Variants in SLAMF6 observed in about 807,000 individuals in gnomAD.
SLAMF6 encodes SLAM family member 6.
In SLAMF6, 21 loss-of-function variants were observed where a neutral mutation model predicts 38.3. That is an observed-to-expected ratio of 0.55 (90% CI 0.39 to 0.79). The LOEUF is 0.79. Ranked by LOEUF, SLAMF6 falls within the 30% of genes least tolerant of loss-of-function variation. The pLI is 0.00. For synonymous variants in SLAMF6, 152 were observed against 146.3 expected, an observed-to-expected ratio of 1.04 and a Z score of -0.28; for missense variants, 341 against 385.3, an observed-to-expected ratio of 0.89 and a Z score of 0.96.
In SLAMF6 at chr1:160,491,112, G is replaced by A. The variant is rs1463307424; in HGVS notation, c.646+13C>T. ...AGCTGCTCAAGGCTCTCAGACCTGAGGCAGGCTGTTACCTTCGCAAAGCTT... is the reference window on the plus strand; with the variant it reads ...AGCTGCTCAAGGCTCTCAGACCTGAAGCAGGCTGTTACCTTCGCAAAGCTT... On this transcript the variant is annotated intron_variant, in intron 3 of 7. Coordinates refer to ENST00000368057, the MANE Select transcript of SLAMF6 (RefSeq NM_001184714.2). 5.0e-6 allele frequency: 8 copies of A among 1,612,644 alleles called. No homozygotes were observed. Among genetic ancestry groups the A allele is most frequent in the Non-Finnish European group, 6.8e-6 (8 of 1,179,674 alleles).
At position 160,496,050 on chromosome 1, in the gene SLAMF6, T is replaced by C. The variant is rs1256735796; in HGVS notation, c.382+11A>G. The C allele has an allele frequency of 3.1e-6, 5 of 1,603,098 alleles. No individual in the cohort carries two copies. Among genetic ancestry groups the C allele is most frequent in the Non-Finnish European group, 1.7e-6 (2 of 1,173,092 alleles). ...AGTCCATATGGAATTAAACCCCATA[T>C]TTTGACTTACTTAATATCCTCAGAG... On this transcript the variant is annotated intron_variant, in intron 2 of 7. Transcript: ENST00000368057.
Position 160,519,790 on chromosome 1 carries a change from G to T in SLAMF6, c.49+3354C>A, listed in dbSNP as rs185059975. 3.2e-4 allele frequency among the ~76,000 whole-genome samples: 48 copies of T among 152,076 alleles called. No individual in the cohort carries two copies. The East Asian group carries it at 5.2e-3, about 17-fold the overall frequency. On this transcript the variant is annotated intron_variant, in intron 1 of 7. Coordinates refer to ENST00000368057, the MANE Select transcript of SLAMF6 (RefSeq NM_001184714.2). ...CAGATCGGTATTTGCCAGGGGCTGG[G>T]GGGGAGGGGAGAATGGGAAATGACT...
At chr1:160,490,152 C>T in intron 5 of SLAMF6, 46 bp downstream of exon 5, 1 of 1,605,480 alleles carries the variant, frequency 6.2e-7, no homozygotes, top group African/African-American at 1.3e-5. Context: ...CCATTTGGCT[C>T]TTCCCATCTG....
intron 1 of SLAMF6, among the ~76,000 whole-genome samples, chr1:160,501,296 T>C (rs1047137954): frequency 1.3e-5 from 2 of 152,118 alleles, no homozygotes; most frequent in Non-Finnish European, 2.9e-5. Flanking sequence ...GGTAAATGAG[T>C]AGTTAGTTCT....
chr1:160,492,416 C>T (rs573088011), intron 2 of SLAMF6, among the ~76,000 whole-genome samples: 10 of 152,196 alleles, frequency 6.6e-5, no homozygotes, highest in African/African-American at 2.4e-4. Context: ...TACATGACCA[C>T]GGACAAATTA....
At chr1:160,505,653 C>T (rs979926546) in intron 1 of SLAMF6, among the ~76,000 whole-genome samples, 6 of 152,072 alleles carry the variant, frequency 3.9e-5, no homozygotes, top group African/African-American at 9.7e-5. Context: ...TTACCTGCCT[C>T]GGCCCCCACA....
In SLAMF6 at chr1:160,511,363, G is replaced by T. The variant is rs905376102; in HGVS notation, c.49+11781C>A. 2.0e-5 allele frequency among the ~76,000 whole-genome samples: 3 copies of T among 152,280 alleles called. No homozygotes were observed. In the South Asian group the frequency reaches 6.2e-4, roughly 32 times the overall value. On this transcript the variant is annotated intron_variant, in intron 1 of 7. Transcript: ENST00000368057. ...CAAAACAGTGTGGTACTGGCATAAA[G>T]ATAAACTTATAGATGTCTATATGAA...
At chr1:160,505,585 T>C (rs4106115) in intron 1 of SLAMF6, among the ~76,000 whole-genome samples, 72,465 of 151,954 alleles carry the variant, frequency 0.48, 19,410 homozygotes, top group Non-Finnish European at 0.59. Context: ...AAATATTTTG[T>C]AGAGATGCAG....
At chr1:160,514,801 A>C (rs1487029802) in intron 1 of SLAMF6, among the ~76,000 whole-genome samples, 3 of 152,246 alleles carry the variant, frequency 2.0e-5, no homozygotes, top group African/African-American at 7.2e-5. Flanking sequence ...AGTTCTTTGA[A>C]ACCAATGAGA....
chr1:160,496,295 CCTT>C lies in SLAMF6; in HGVS notation c.145_147del (p.Lys49del), dbSNP rs766689319. 1.2e-6 allele frequency: 2 copies of C among 1,613,986 alleles called. No homozygotes were observed. Among genetic ancestry groups the C allele is most frequent in the East Asian group, 2.2e-5 (1 of 44,874 alleles). ...TTGAAAAGCCAAGTGATGAAGTTGACCTTCTCTCCTGCAGGAAACTCCAGGGGA... is the reference window on the plus strand; with the variant it reads ...TTGAAAAGCCAAGTGATGAAGTTGACCTCTCCTGCAGGAAACTCCAGGGGA... On this transcript the variant is annotated inframe_deletion, in exon 2 of 8. Coordinates refer to ENST00000368057, the MANE Select transcript of SLAMF6 (RefSeq NM_001184714.2).
chr1:160,486,705 A>T lies in SLAMF6; in HGVS notation c.*2T>A, dbSNP rs755033475. 1 of 1,613,778 alleles carries T rather than the reference A, an allele frequency of 6.2e-7. No individual in the cohort carries two copies. The highest frequency in any genetic ancestry group is 1.1e-5 in the South Asian group (1 of 91,072). On this transcript the variant is annotated 3_prime_UTR_variant, in exon 8 of 8. Transcript: ENST00000368057. Reference sequence around the variant, plus strand: ...CGAATTCCTCTGAGGCCTTTCAGCAACTTACACGACATTGTCAAGGGCAGT... The same window carrying T: ...CGAATTCCTCTGAGGCCTTTCAGCATCTTACACGACATTGTCAAGGGCAGT...
chr1:160,490,113 T>C, intron 5 of SLAMF6, 85 bp downstream of exon 5: 3 of 1,450,200 alleles, frequency 2.1e-6, no homozygotes, highest in Non-Finnish European at 2.9e-6. Flanking sequence ...TCTGTCATTA[T>C]CCAGCCCTCT....
In SLAMF6 at chr1:160,491,171, A is replaced by C; in HGVS notation, c.600T>G (p.Ala200=). 1.2e-6 allele frequency: 2 copies of C among 1,614,082 alleles called. No homozygotes were observed. Among genetic ancestry groups the C allele is most frequent in the Non-Finnish European group, 1.7e-6 (2 of 1,179,968 alleles). ...AGACAGAGAAGGATAAATTACTGACAGCATTCTCTGCTATGCAGGTGTAGT... is the reference window on the plus strand; with the variant it reads ...AGACAGAGAAGGATAAATTACTGACCGCATTCTCTGCTATGCAGGTGTAGT... ...EQDYTCIAEN[A]VSNLSFSVSA... The change falls in exon 3 of 8, where the codon GCT becomes GCG. Residue 200 remains alanine (A), a synonymous_variant. Transcript: ENST00000368057.
chr1:160,504,497 C>T (rs1379479452), intron 1 of SLAMF6, among the ~76,000 whole-genome samples: 1 of 152,174 alleles, frequency 6.6e-6, no homozygotes, highest in Non-Finnish European at 1.5e-5. Context: ...TCTACATTTT[C>T]AGTAGGAGAC....
intron 1 of SLAMF6, among the ~76,000 whole-genome samples, chr1:160,516,660 A>G (rs1557950057): frequency 6.6e-6 from 1 of 152,164 alleles, no homozygotes. Context: ...TACAAAACAG[A>G]CACATAGACC....
chr1:160,512,726 A>G (rs891672950), intron 1 of SLAMF6, among the ~76,000 whole-genome samples: 11 of 152,108 alleles, frequency 7.2e-5, no homozygotes, highest in East Asian at 1.9e-4. Flanking sequence ...ACCCAGGTGA[A>G]TAGGATCTGG....
Position 160,486,624 on chromosome 1 carries a change from G to A in SLAMF6, c.*83C>T, listed in dbSNP as rs928370690. ...CAAATTCTGTTGCCAGGAACAACAGGAACCAAGCTTCCTGTTCTTTGTTCT... is the reference window on the plus strand; with the variant it reads ...CAAATTCTGTTGCCAGGAACAACAGAAACCAAGCTTCCTGTTCTTTGTTCT... On this transcript the variant is annotated 3_prime_UTR_variant, in exon 8 of 8. Transcript: ENST00000368057. 3 of 1,418,394 alleles carry A rather than the reference G, an allele frequency of 2.1e-6. No individual in the cohort carries two copies. The highest frequency in any genetic ancestry group is 1.7e-5 in the Admixed American group (1 of 58,950). The allele number at this position is 1,418,394 out of a possible 1,614,324, so 87.9% of individuals were successfully genotyped here.
chr1:160,496,016 A>G lies in SLAMF6; in HGVS notation c.382+45T>C, dbSNP rs143107846. The G allele has an allele frequency of 1.0e-4, 159 of 1,535,430 alleles. No homozygotes were observed. The East Asian group carries it at 3.4e-3, about 33-fold the overall frequency. On this transcript the variant is annotated intron_variant, in intron 2 of 7. Coordinates refer to ENST00000368057, the MANE Select transcript of SLAMF6 (RefSeq NM_001184714.2). ...AGTCACATAGGATTGGAATACATGT[A>G]TATTTTTCAGTCCATATGGAATTAA...
At chr1:160,487,906 A>G (rs1239354314) in intron 6 of SLAMF6, among the ~76,000 whole-genome samples, 1 of 152,144 alleles carries the variant, frequency 6.6e-6, no homozygotes, top group South Asian at 2.1e-4. Context: ...CCTGGGCAAC[A>G]TGGTGAAACC....
Sources: gnomAD v4.1 joint callset for allele counts (sites outside exome capture counted in the v4.1 genomes callset) on GRCh38, gnomAD v4.1.1 for gene constraint, MANE v1.5 for transcripts, NCBI Gene and HGNC (gene_info 2026-07-23, HGNC 2026-07-21) for gene names.